FBXW11: variants seen among roughly 807,000 people sequenced by gnomAD.
The protein encoded by FBXW11 is F-box and WD repeat domain containing 11.
A neutral mutation model predicts 77.6 loss-of-function variants in FBXW11; 19 were observed. That is an observed-to-expected ratio of 0.24 (90% CI 0.17 to 0.36). The LOEUF (loss-of-function observed/expected upper bound fraction) is 0.36. FBXW11 is among the 10% of genes least tolerant of loss of function. The pLI is 1.00. For synonymous variants in FBXW11, 235 were observed against 249.4 expected (o/e 0.94, Z 0.54); for missense variants, 334 against 704.2 (o/e 0.47, Z 5.95).
At chr5:171,901,353 T>C (rs1760101659) in intron 4 of FBXW11, among the ~76,000 whole-genome samples, 1 of 152,200 alleles carries the variant, frequency 6.6e-6, no homozygotes, top group South Asian at 2.1e-4. Flanking sequence ...TCAGAGTCAG[T>C]TTCCTCATCT....
chr5:171,998,689 C>T (rs772929409), intron 1 of FBXW11, among the ~76,000 whole-genome samples: 3 of 149,260 alleles, frequency 2.0e-5, no homozygotes, highest in Non-Finnish European at 4.4e-5. Context: ...CCCAGCTACT[C>T]GGGAGGCTGA....
intron 1 of FBXW11, among the ~76,000 whole-genome samples, chr5:171,968,920 C>A (rs141479002): frequency 1.3e-5 from 2 of 152,254 alleles, no homozygotes; most frequent in East Asian, 3.9e-4. Context: ...AAAATCCTTA[C>A]CCTACTTTCA....
intron 2 of FBXW11, among the ~76,000 whole-genome samples, chr5:171,941,837 G>A (rs1054605902): frequency 1.3e-5 from 2 of 150,994 alleles, no homozygotes; most frequent in Non-Finnish European, 2.9e-5. Flanking sequence ...TTTAGGTTGG[G>A]AAAGACGCAT....
chr5:171,946,706 C>T (rs188985510), intron 2 of FBXW11, among the ~76,000 whole-genome samples: 7 of 152,048 alleles, frequency 4.6e-5, no homozygotes, highest in Non-Finnish European at 8.8e-5. Context: ...TTTCCCTCTT[C>T]GCTCTATTTA....
At chr5:171,867,098 T>C (rs1057117370) in intron 13 of FBXW11, among the ~76,000 whole-genome samples, 1 of 152,168 alleles carries the variant, frequency 6.6e-6, no homozygotes, top group African/African-American at 2.4e-5. Context: ...CCAAACTGAG[T>C]TGGCATGAAG....
chr5:171,878,603 A>AGAGTGTGTGTGTGTGT (rs138423567), intron 7 of FBXW11, among the ~76,000 whole-genome samples: 32 of 128,466 alleles, frequency 2.5e-4, no homozygotes, highest in African/African-American at 8.9e-4. Context: ...AGAGAGAGAG[A>AGAGTGTGTGTGTGTGT]GTGTGTGTGT....
chr5:171,914,163 A>T (rs1368478647), intron 3 of FBXW11, among the ~76,000 whole-genome samples, 180 bp downstream of exon 3: 1 of 152,196 alleles, frequency 6.6e-6, no homozygotes, highest in African/African-American at 2.4e-5. Context: ...ATTATTTAGC[A>T]TATTTGTAAT....
rs547330475 is a variant in FBXW11, at chr5:171,882,105, C to T, written c.853-3976G>A. Among the ~76,000 whole-genome samples the T allele has an allele frequency of 7.6e-4, 116 of 152,276 alleles. No individual in the cohort carries two copies. In the South Asian group the frequency reaches 0.02, roughly 26 times the overall value. ...ACTTTTCATTAACTCTTTTATTCTG[C>T]TTACTACGGATTTAAACTGTTCTTT... On this transcript the variant is annotated intron_variant, in intron 7 of 13. Transcript: ENST00000517395.
intron 13 of FBXW11, 94 bp downstream of exon 13, chr5:171,868,516 T>C (rs1187507374): frequency 9.7e-7 from 1 of 1,029,608 alleles, no homozygotes; most frequent in Non-Finnish European, 1.4e-6. Flanking sequence ...GAGACCTTGG[T>C]TCACACATCA....
intron 1 of FBXW11, among the ~76,000 whole-genome samples, chr5:171,988,662 T>C (rs950838000): frequency 3.3e-5 from 5 of 151,848 alleles, no homozygotes; most frequent in South Asian, 4.2e-4. Context: ...CTGGCCAACA[T>C]AGCAAAATCC....
At chr5:171,890,537 T>C (rs1241484693) in intron 7 of FBXW11, among the ~76,000 whole-genome samples, 1 of 149,608 alleles carries the variant, frequency 6.7e-6, no homozygotes, top group Non-Finnish European at 1.5e-5. Flanking sequence ...TGTGAAATGG[T>C]ACAGGCACTT....
intron 7 of FBXW11, among the ~76,000 whole-genome samples, chr5:171,890,363 A>C (rs778353280): frequency 6.6e-6 from 1 of 152,042 alleles, no homozygotes; most frequent in Non-Finnish European, 1.5e-5. Flanking sequence ...TCTCTACTAA[A>C]AACAAAAAAA....
chr5:171,964,154 T>C (rs1207246175), intron 1 of FBXW11, among the ~76,000 whole-genome samples: 2 of 152,244 alleles, frequency 1.3e-5, no homozygotes, highest in African/African-American at 2.4e-5. Context: ...ATGCAATTTC[T>C]TTCAGATGGG....
chr5:171,906,685 C>A (rs142549138), intron 4 of FBXW11, among the ~76,000 whole-genome samples: 21 of 152,252 alleles, frequency 1.4e-4, no homozygotes, highest in South Asian at 2.1e-4. Context: ...TATTCCCACA[C>A]AGAGGAGGAA....
At chr5:171,947,082 G>A (rs1763051063) in intron 2 of FBXW11, among the ~76,000 whole-genome samples, 1 of 152,052 alleles carries the variant, frequency 6.6e-6, no homozygotes, top group Non-Finnish European at 1.5e-5. Flanking sequence ...CCAAGGTGCT[G>A]GGATTACAGG....
chr5:171,877,849 C>G (rs944021353), intron 8 of FBXW11, among the ~76,000 whole-genome samples, 162 bp downstream of exon 8: 2 of 152,198 alleles, frequency 1.3e-5, no homozygotes, highest in African/African-American at 4.8e-5. Flanking sequence ...CAAAAATTAG[C>G]TTTCCTGCCT....
At chr5:171,979,302 C>G (rs571722619) in intron 1 of FBXW11, among the ~76,000 whole-genome samples, 14 of 152,118 alleles carry the variant, frequency 9.2e-5, no homozygotes, top group African/African-American at 3.4e-4. Context: ...AACAAAGACC[C>G]TCTCTCAAAA....
intron 2 of FBXW11, among the ~76,000 whole-genome samples, chr5:171,945,829 C>A (rs926880080): frequency 6.6e-6 from 1 of 152,186 alleles, no homozygotes; most frequent in Non-Finnish European, 1.5e-5. Flanking sequence ...CTCATACTCA[C>A]CTTTTCTTTC....
intron 7 of FBXW11, among the ~76,000 whole-genome samples, chr5:171,881,883 T>C (rs1758532736): frequency 6.6e-6 from 1 of 152,226 alleles, no homozygotes; most frequent in African/African-American, 2.4e-5. Context: ...TATTATTTTA[T>C]TATTCATTTA....
Sources: allele counts gnomAD v4.1 joint callset (sites outside exome capture counted in the v4.1 genomes callset), GRCh38; gene constraint gnomAD v4.1.1; transcripts MANE v1.5; gene names NCBI Gene and HGNC (gene_info 2026-07-23, HGNC 2026-07-21).